Variants in IKBKB-DT observed in about 807,000 individuals in gnomAD.
IKBKB-DT encodes IKBKB antisense RNA.
chr8:42,260,480 A>G lies in IKBKB-DT; in HGVS notation n.1529+2849T>C, dbSNP rs149617901. Among the ~76,000 whole-genome samples the G allele has an allele frequency of 3.5e-3, 531 of 152,132 alleles. 1 individual carries two copies. The highest frequency in any genetic ancestry group is 0.012 in the African/African-American group (492 of 41,516). On this transcript the variant is annotated intron_variant and non_coding_transcript_variant, in intron 3 of 3. Transcript: ENST00000518213. Reference sequence around the variant, plus strand: ...GGAGTTTGAGACCAGCCTGACCAACATGGTGAAACTCCGTTTTAAACCCTA... The same window carrying G: ...GGAGTTTGAGACCAGCCTGACCAACGTGGTGAAACTCCGTTTTAAACCCTA...
At chr8:42,259,216 G>A (rs1000955576) in intron 3 of IKBKB-DT, among the ~76,000 whole-genome samples, 1 of 151,974 alleles carries the variant, frequency 6.6e-6, no homozygotes, top group African/African-American at 2.4e-5. Context: ...GTAGAGACAG[G>A]GTTTCTCCAG....
intron 3 of IKBKB-DT, among the ~76,000 whole-genome samples, chr8:42,235,908 G>A (rs574292876): frequency 2.0e-5 from 3 of 152,038 alleles, no homozygotes; most frequent in Non-Finnish European, 2.9e-5. Flanking sequence ...GCATGGTGGC[G>A]GGCACCTGTT....
intron 3 of IKBKB-DT, among the ~76,000 whole-genome samples, chr8:42,239,395 G>T (rs1806969126): frequency 6.6e-6 from 1 of 151,364 alleles, no homozygotes; most frequent in Non-Finnish European, 1.5e-5. Context: ...GGCCCGACCT[G>T]CTTGGCCCCC....
At chr8:42,268,129 ATTTTTTT>A (rs541093630) in intron 1 of IKBKB-DT, among the ~76,000 whole-genome samples, 18 of 130,382 alleles carry the variant, frequency 1.4e-4, no homozygotes, top group African/African-American at 3.9e-4. Flanking sequence ...GTGCTCAATA[ATTTTTTT>A]TTTTTTTTTT....
intron 1 of IKBKB-DT, among the ~76,000 whole-genome samples, chr8:42,267,783 C>T (rs1807394593): frequency 6.6e-6 from 1 of 152,088 alleles, no homozygotes; most frequent in Non-Finnish European, 1.5e-5. Flanking sequence ...CTAAACATGT[C>T]TTATCTGGAT....
intron 3 of IKBKB-DT, among the ~76,000 whole-genome samples, chr8:42,238,090 C>T (rs13252647): frequency 0.17 from 25,322 of 148,888 alleles, 2,488 homozygotes; most frequent in Non-Finnish European, 0.2. Flanking sequence ...CAAGGCTACC[C>T]CACAACTCAG....
chr8:42,265,364 T>C (rs1807356249), intron 2 of IKBKB-DT, among the ~76,000 whole-genome samples: 1 of 152,206 alleles, frequency 6.6e-6, no homozygotes, highest in Admixed American at 6.5e-5. Context: ...ATAATCTGTA[T>C]GCCAAAGAGG....
chr8:42,241,075 T>G (rs1806995479), intron 3 of IKBKB-DT, among the ~76,000 whole-genome samples: 1 of 152,304 alleles, frequency 6.6e-6, no homozygotes, highest in Middle Eastern at 3.4e-3. Flanking sequence ...AAACAGATAT[T>G]ACATGTTCTG....
chr8:42,234,600 A>G (rs1421321116), intron 3 of IKBKB-DT, among the ~76,000 whole-genome samples: 1 of 152,000 alleles, frequency 6.6e-6, no homozygotes, highest in African/African-American at 2.4e-5. Flanking sequence ...GGAGAAATTT[A>G]TTTTATACTT....
intron 1 of IKBKB-DT, among the ~76,000 whole-genome samples, chr8:42,269,457 A>AGGGGAG (rs1807459614): frequency 4.3e-5 from 1 of 23,340 alleles, no homozygotes; most frequent in Non-Finnish European, 7.3e-5. Flanking sequence ...AGGGGAGGGG[A>AGGGGAG]GGGGAGGGGA....
At chr8:42,271,033 A>ATACCCGGG (rs534792947) in exon 1 of IKBKB-DT, 264 of 240,736 alleles carry the variant, frequency 1.1e-3, no homozygotes, top group African/African-American at 6.0e-3. Context: ...AGAAATCCCC[A>ATACCCGGG]TACCCGGGCC....
intron 3 of IKBKB-DT, among the ~76,000 whole-genome samples, chr8:42,236,774 T>C (rs1242201785): frequency 6.6e-6 from 1 of 152,090 alleles, no homozygotes; most frequent in African/African-American, 2.4e-5. Flanking sequence ...AAAGAAATCA[T>C]AGGTCACTGT....
intron 2 of IKBKB-DT, among the ~76,000 whole-genome samples, chr8:42,265,106 A>G (rs1383809663): frequency 6.6e-6 from 1 of 151,924 alleles, no homozygotes; most frequent in Admixed American, 6.6e-5. Flanking sequence ...CAGGTGATCC[A>G]CCCCACTCGG....
intron 3 of IKBKB-DT, among the ~76,000 whole-genome samples, chr8:42,242,733 G>C (rs10217111): frequency 0.26 from 39,317 of 152,100 alleles, 6,546 homozygotes; most frequent in African/African-American, 0.46. Flanking sequence ...GTCCCCTCAT[G>C]CATGCTGAGA....
intron 3 of IKBKB-DT, among the ~76,000 whole-genome samples, chr8:42,242,378 C>G (rs1009913068): frequency 6.6e-6 from 1 of 152,032 alleles, no homozygotes; most frequent in Non-Finnish European, 1.5e-5. Flanking sequence ...CTGTTATTAG[C>G]AGAGCTCACC....
intron 2 of IKBKB-DT, among the ~76,000 whole-genome samples, chr8:42,264,895 T>C (rs1166230075): frequency 1.4e-5 from 2 of 143,124 alleles, no homozygotes; most frequent in Non-Finnish European, 3.1e-5. Context: ...GGAGTTTTAC[T>C]CTTGTCACCC....
chr8:42,257,688 C>T (rs560172965), intron 3 of IKBKB-DT, among the ~76,000 whole-genome samples: 64 of 151,998 alleles, frequency 4.2e-4, no homozygotes, highest in Non-Finnish European at 4.6e-4. Context: ...AATCCCAGCA[C>T]TTTGGGAGGC....
chr8:42,241,799 T>A (rs1230081841), intron 3 of IKBKB-DT, among the ~76,000 whole-genome samples: 1 of 152,214 alleles, frequency 6.6e-6, no homozygotes, highest in Admixed American at 6.5e-5. Flanking sequence ...ATGTTAATGC[T>A]GGCAGGAGAA....
intron 3 of IKBKB-DT, among the ~76,000 whole-genome samples, chr8:42,255,979 T>C (rs1053015935): frequency 2.7e-5 from 4 of 150,306 alleles, no homozygotes; most frequent in African/African-American, 9.8e-5. Context: ...TGAGCCGAGA[T>C]TGCACCATTG....
Sources: allele counts gnomAD v4.1 joint callset (sites outside exome capture counted in the v4.1 genomes callset), GRCh38; gene constraint gnomAD v4.1.1; transcripts MANE v1.5; gene names NCBI Gene and HGNC (gene_info 2026-07-23, HGNC 2026-07-21).